CUX1: variants seen among roughly 807,000 people sequenced by gnomAD.
CUX1 encodes the protein cut like homeobox 1, also known as protein CASP.
CUX1 carries 31 observed loss-of-function variants against 158.8 expected under a neutral mutation model. The ratio of observed to expected loss-of-function variants is 0.20; its 90% CI spans 0.15 to 0.26. The LOEUF (loss-of-function observed/expected upper bound fraction) is 0.26. CUX1 is among the 10% of genes least tolerant of loss of function. The pLI is 1.00. For synonymous variants in CUX1, 879 were observed against 862.1 expected (o/e 1.02, Z -0.34); for missense variants, 1,589 against 2,014.6 (o/e 0.79, Z 4.04).
chr7:102,046,840 C>T (rs1204497570), intron 3 of CUX1, among the ~76,000 whole-genome samples: 4 of 152,042 alleles, frequency 2.6e-5, no homozygotes, highest in Non-Finnish European at 4.4e-5. Flanking sequence ...AAAGGCCTCC[C>T]AAAGTGTTGG....
intron 2 of CUX1, among the ~76,000 whole-genome samples, chr7:101,996,446 C>G (rs1815902911): frequency 6.6e-6 from 1 of 152,046 alleles, no homozygotes; most frequent in Admixed American, 6.5e-5. Context: ...AGCCCTGTTA[C>G]AGCACGTTGT....
rs535951272 is a variant in CUX1 at position 102,233,437 on chromosome 7, C to A, written c.3434-615C>A. 2.6e-5 allele frequency among the ~76,000 whole-genome samples: 4 copies of A among 152,200 alleles called. No homozygotes were observed. In the South Asian group the frequency reaches 6.2e-4, roughly 24 times the overall value. On this transcript the variant is annotated intron_variant, in intron 21 of 23. Coordinates refer to ENST00000292535, the MANE Select transcript of CUX1 (RefSeq NM_181552.4). ...AAACCCCTGGGCTCAAATGATCTTC[C>A]CGCTTCAGCCTCCCAAAGGGCCCTT...
chr7:102,170,590 G>A (rs1554510153), intron 10 of CUX1, 40 bp downstream of exon 10: 2 of 1,410,738 alleles, frequency 1.4e-6, no homozygotes, highest in South Asian at 1.3e-5. Flanking sequence ...TCCCCGCCTG[G>A]CCTCCGCACC....
At chr7:101,824,089 T>C (rs1792982141) in intron 1 of CUX1, among the ~76,000 whole-genome samples, 1 of 152,224 alleles carries the variant, frequency 6.6e-6, no homozygotes, top group Admixed American at 6.5e-5. Context: ...ATATCAACTC[T>C]TTTTATTTTA....
At position 102,249,972 on chromosome 7, in the gene CUX1, T is replaced by C. The variant is rs1455446258; in HGVS notation, c.*930T>C. 8 of 984,914 alleles carry C rather than the reference T, an allele frequency of 8.1e-6. No homozygotes were observed. In the East Asian group the frequency reaches 8.0e-4, roughly 98 times the overall value. 61.0% of individuals were successfully genotyped at this position (984,914 alleles called of 1,614,324 possible). On this transcript the variant is annotated 3_prime_UTR_variant, in exon 24 of 24. Coordinates refer to ENST00000292535, the MANE Select transcript of CUX1 (RefSeq NM_181552.4). ...CTGACATGTAGTGCACATTGATGTA[T>C]AGCTTTAACTGACCCTGGGTTTTGC...
In CUX1 at chr7:102,198,849, C is replaced by A; in HGVS notation, c.1942C>A (p.Arg648=). Reference sequence around the variant, plus strand: ...CAGACTATTTCAGGAAGTACCGAAACGAAGAAATGGGTCTGAAGGTATGTT... The same window carrying A: ...CAGACTATTTCAGGAAGTACCGAAAAGAAGAAATGGGTCTGAAGGTATGTT... The part of the protein sequence containing the change: ...LNRLFQEVPK[R]RNGSEGNITT... Residue 648 remains arginine (R), a synonymous_variant, in exon 16 of 24, where the codon CGA becomes AGA. Transcript: ENST00000292535. 6.2e-7 allele frequency: 1 copy of A among 1,614,156 alleles called. No homozygotes were observed. Among genetic ancestry groups the A allele is most frequent in the Non-Finnish European group, 8.5e-7 (1 of 1,180,022 alleles).
At chr7:102,195,116 CAAA>C (rs35700064) in intron 13 of CUX1, among the ~76,000 whole-genome samples, 34 of 123,350 alleles carry the variant, frequency 2.8e-4, no homozygotes, top group Middle Eastern at 4.4e-3. Flanking sequence ...TTGTGGCTGG[CAAA>C]AAAAAAAAAA....
chr7:102,180,169 C>T (rs28688706), intron 11 of CUX1, among the ~76,000 whole-genome samples: 26,830 of 151,918 alleles, frequency 0.18, 3,422 homozygotes, highest in African/African-American at 0.36. Flanking sequence ...ACTACAGTCA[C>T]GCGCCACCAT....
At chr7:102,068,024 A>G in intron 3 of CUX1, among the ~76,000 whole-genome samples, 1 of 151,924 alleles carries the variant, frequency 6.6e-6, no homozygotes, top group Non-Finnish European at 1.5e-5. Context: ...CCATCTCAAA[A>G]AAAAGTCCTT....
At position 102,253,105 on chromosome 7, in the gene CUX1, G is replaced by A; in HGVS notation, c.*4063G>A. The A allele has an allele frequency of 1.0e-6, 1 of 985,520 alleles. No individual in the cohort carries two copies. The highest frequency in any genetic ancestry group is 1.2e-6 in the Non-Finnish European group (1 of 829,974). 61.0% of individuals were successfully genotyped at this position (985,520 alleles called of 1,614,324 possible). ...ACCTCCAAAGTACAAATACCTCCCT[G>A]CTCAGTTTCCTTCCTGTCGCCATCT... is the stretch of plus-strand genomic sequence containing the variant. On this transcript the variant is annotated 3_prime_UTR_variant, in exon 24 of 24. Transcript: ENST00000292535.
intron 18 of CUX1, among the ~76,000 whole-genome samples, chr7:102,279,539 G>A (rs546519997): frequency 1.3e-5 from 2 of 152,214 alleles, no homozygotes; most frequent in South Asian, 2.1e-4. Context: ...AGAGAAGAGC[G>A]TGGGGCATAG....
rs931839585 is a variant in CUX1 at position 102,072,072 on chromosome 7, G to T, written c.268+1655G>T. Among the ~76,000 whole-genome samples the T allele has an allele frequency of 2.0e-5, 3 of 152,216 alleles. No individual in the cohort carries two copies. In the East Asian group the frequency reaches 5.8e-4, roughly 29 times the overall value. ...TGGATCAGAGTGTTACCACTGGAGG[G>T]TGTCCAGGTTCTTGGCGTTTTGAGC... On this transcript the variant is annotated intron_variant, in intron 4 of 23. Transcript: ENST00000292535.
intron 1 of CUX1, among the ~76,000 whole-genome samples, chr7:101,889,123 T>G (rs928954054): frequency 1.3e-5 from 2 of 151,316 alleles, no homozygotes; most frequent in Non-Finnish European, 2.9e-5. Flanking sequence ...AAAAATGAGT[T>G]GGATGTGTAC....
intron 20 of CUX1, chr7:102,281,690 G>A (rs1792078761): frequency 8.0e-6 from 5 of 625,386 alleles, no homozygotes; most frequent in African/African-American, 3.7e-5. Context: ...AGCAGCCCAT[G>A]TCCCTGGCCC....
intron 9 of CUX1, among the ~76,000 whole-genome samples, chr7:102,164,617 C>T (rs1006017349): frequency 2.6e-5 from 4 of 152,230 alleles, no homozygotes; most frequent in African/African-American, 9.6e-5. Context: ...GCCTTGGCCA[C>T]TGGTGCAGCA....
intron 14 of CUX1, among the ~76,000 whole-genome samples, chr7:102,272,355 G>A (rs548419146): frequency 6.6e-6 from 1 of 152,186 alleles, no homozygotes; most frequent in African/African-American, 2.4e-5. Flanking sequence ...CATTTCCCTG[G>A]CACTGCCCAC....
At position 102,216,756 on chromosome 7, in the gene CUX1, A is replaced by G. The variant is rs797040564; in HGVS notation, c.3131-10611A>G. The stretch of plus-strand genomic sequence containing the variant: ...GAGTCCCACACACACTTCTGCACAC[A>G]CACACTCTTCCACACACACTCTCCC... On this transcript the variant is annotated intron_variant, in intron 20 of 23. Coordinates refer to ENST00000292535, the MANE Select transcript of CUX1 (RefSeq NM_181552.4). Among the ~76,000 whole-genome samples the G allele has an allele frequency of 9.7e-5, 14 of 144,092 alleles. No homozygotes were observed. In the East Asian group the frequency reaches 1.5e-3, roughly 15 times the overall value. 94.5% of individuals were successfully genotyped at this position (144,092 alleles called of 152,430 possible).
At chr7:102,195,434 C>A in intron 13 of CUX1, 73 bp from the exon 14 acceptor site, 2 of 1,255,124 alleles carry the variant, frequency 1.6e-6, no homozygotes, top group African/African-American at 1.5e-5. Flanking sequence ...GGAGGCAGGG[C>A]TCCAGGCCTG....
chr7:102,101,509 G>A (rs1419230811), intron 5 of CUX1, among the ~76,000 whole-genome samples: 1 of 152,184 alleles, frequency 6.6e-6, no homozygotes, highest in Non-Finnish European at 1.5e-5. Context: ...ACCTCATCAG[G>A]CACAGCACAC....
Sources: allele counts gnomAD v4.1 joint callset (sites outside exome capture counted in the v4.1 genomes callset), GRCh38; gene constraint gnomAD v4.1.1; transcripts MANE v1.5; gene names NCBI Gene and HGNC (gene_info 2026-07-23, HGNC 2026-07-21).